DMD: variants seen among roughly 807,000 people sequenced by gnomAD.
DMD encodes dystrophin, also known as mutant dystrophin.
In DMD, 63 loss-of-function variants were observed where a neutral mutation model predicts 330.1. The observed-to-expected ratio is 0.19, with a 90% CI of 0.16 to 0.24. The LOEUF (loss-of-function observed/expected upper bound fraction) is 0.24. Among genes scored for constraint, DMD ranks in the 10% least tolerant of loss-of-function variants. The pLI, the probability that DMD is intolerant of heterozygous loss-of-function variation, is 1.00. For synonymous variants in DMD, 1,223 were observed against 959.8 expected (o/e 1.27, Z -5.07); for missense variants, 3,344 against 2,684.1 (o/e 1.25, Z -5.43).
chrX:31,343,497 T>C (rs1300319103), intron 61 of DMD, among the ~76,000 whole-genome samples: 3 of 111,324 alleles, frequency 2.7e-5, no homozygotes, highest in Non-Finnish European at 5.7e-5. Flanking sequence ...AACAGTGAAT[T>C]CTTTTTTTTA....
rs140837867 is a variant in DMD at position 33,091,738 on chromosome X, G to C, written c.32-71538C>G. On this transcript the variant is annotated intron_variant, in intron 1 of 78. Coordinates refer to ENST00000357033, the MANE Select transcript of DMD (RefSeq NM_004006.3). ...GTCATGAAGGCTGCTTTACAGAATT[G>C]GAGGTAATTTGGTGTCTTTTATTTA... Among the ~76,000 whole-genome samples the C allele has an allele frequency of 9.1e-3, 1,018 of 111,462 alleles. 25 individuals are homozygous for C. Among genetic ancestry groups the C allele is most frequent in the Admixed American group, 0.06 (626 of 10,425 alleles).
chrX:32,121,661 A>ATATG lies in DMD; in HGVS notation c.6438+95251_6438+95254dup, dbSNP rs1557150855. On this transcript the variant is annotated intron_variant, in intron 44 of 78. Coordinates refer to ENST00000357033, the MANE Select transcript of DMD (RefSeq NM_004006.3). ...TATATATATATATATATATATATAT[A>ATATG]TATGTATTCGGTTTTATTCAGAATG... Among the ~76,000 whole-genome samples, 623 of 81,183 alleles carry ATATG rather than the reference A, an allele frequency of 7.7e-3. 10 individuals are homozygous for ATATG. Among genetic ancestry groups the ATATG allele is most frequent in the Non-Finnish European group, 0.012 (478 of 41,470 alleles). 70.5% of individuals were successfully genotyped at this position (81,183 alleles called of 115,157 possible).
intron 6 of DMD, among the ~76,000 whole-genome samples, chrX:32,809,945 AAGAAAGAAAG>A (rs1311222465): frequency 1.1e-3 from 83 of 76,326 alleles, no homozygotes; most frequent in East Asian, 5.2e-3. Context: ...AAAAAAAAAA[AAGAAAGAAAG>A]AAAGAAAGAA....
intron 44 of DMD, among the ~76,000 whole-genome samples, chrX:31,977,660 G>T (rs2095445456): frequency 1.8e-5 from 2 of 109,762 alleles, no homozygotes; most frequent in Non-Finnish European, 3.8e-5. Context: ...CTGAGGTTAG[G>T]TTTCTTGTTT....
chrX:31,685,399 A>C (rs2082623400), intron 52 of DMD, among the ~76,000 whole-genome samples: 2 of 111,959 alleles, frequency 1.8e-5, no homozygotes, highest in African/African-American at 6.5e-5. Flanking sequence ...TAGATCTTTG[A>C]TAACGGAACA....
chrX:31,771,155 C>T (rs2090315952), intron 51 of DMD, among the ~76,000 whole-genome samples: 1 of 110,686 alleles, frequency 9.0e-6, no homozygotes, highest in Non-Finnish European at 1.9e-5. Context: ...AAAATCCTCC[C>T]CATACTTACT....
rs766226601 is a variant in DMD, at chrX:32,454,905, T to A, written c.3433-73A>T. On this transcript the variant is annotated intron_variant, in intron 25 of 78. Coordinates refer to ENST00000357033, the MANE Select transcript of DMD (RefSeq NM_004006.3). ...CATTATTATTATATTATTTCATCAG[T>A]ATGTAAATAACAGAAAGCTTAGATA... 4.5e-6 allele frequency: 5 copies of A among 1,111,370 alleles called. No individual in the cohort carries two copies. In the East Asian group the frequency reaches 1.2e-4, roughly 27 times the overall value. The allele number at this position is 1,111,370 out of a possible 1,213,427, so 91.6% of individuals were successfully genotyped here. A position where few individuals can be genotyped will look rare whatever the true frequency, so the allele number is the denominator to read the frequency against.
chrX:32,344,017 G>A (rs2097756204), intron 39 of DMD, among the ~76,000 whole-genome samples: 1 of 111,694 alleles, frequency 9.0e-6, no homozygotes. Context: ...AAAGAAAACA[G>A]CAAGTGCATG....
intron 22 of DMD, among the ~76,000 whole-genome samples, chrX:32,470,707 A>C (rs185421161): frequency 2.7e-3 from 298 of 111,712 alleles, no homozygotes; most frequent in African/African-American, 9.2e-3. Context: ...GGAAACAAAA[A>C]AGGTGAAACA....
intron 2 of DMD, among the ~76,000 whole-genome samples, chrX:32,978,165 G>A (rs1399225547): frequency 8.9e-6 from 1 of 111,861 alleles, no homozygotes; most frequent in African/African-American, 3.3e-5. Context: ...AGGGCAGGAA[G>A]AGTTTACTAC....
intron 44 of DMD, among the ~76,000 whole-genome samples, chrX:32,177,569 GATACTA>G (rs1371400809): frequency 3.6e-5 from 4 of 111,030 alleles, no homozygotes; most frequent in Non-Finnish European, 7.5e-5. Flanking sequence ...TGGTGACCCA[GATACTA>G]ATTCAAATTT....
intron 1 of DMD, among the ~76,000 whole-genome samples, chrX:33,104,492 GCTCCC>G (rs1488054752): frequency 1.8e-5 from 2 of 110,104 alleles, no homozygotes; most frequent in Non-Finnish European, 3.8e-5. Context: ...TGGCTCAAAA[GCTCCC>G]CCACTGAGTA....
At chrX:31,695,289 A>T (rs1351646733) in intron 52 of DMD, among the ~76,000 whole-genome samples, 1 of 111,024 alleles carries the variant, frequency 9.0e-6, no homozygotes, top group Non-Finnish European at 1.9e-5. Flanking sequence ...GTGTGGAGGT[A>T]GGGGATAGGT....
chrX:33,195,732 T>TTGTGTGTGTGTGTGTGTG (rs71969580), intron 1 of DMD, among the ~76,000 whole-genome samples: 4 of 97,701 alleles, frequency 4.1e-5, no homozygotes, highest in Non-Finnish European at 8.3e-5. Context: ...CTGTTCTATT[T>TTGTGTGTGTGTGTGTGTG]TGTGTGTGTG....
intron 44 of DMD, among the ~76,000 whole-genome samples, chrX:31,973,339 A>C (rs1364146521): frequency 9.0e-6 from 1 of 111,152 alleles, no homozygotes; most frequent in Non-Finnish European, 1.9e-5. Flanking sequence ...GCAACTAGGA[A>C]GGATAAGAAA....
intron 67 of DMD, among the ~76,000 whole-genome samples, chrX:31,190,441 A>G (rs182692548): frequency 2.5e-4 from 27 of 109,120 alleles, no homozygotes; most frequent in Admixed American, 7.9e-4. Flanking sequence ...GCGATTTTAG[A>G]AAGTCCTTGA....
intron 52 of DMD, 140 bp downstream of exon 52, chrX:31,729,491 A>G: frequency 1.8e-6 from 1 of 564,422 alleles, no homozygotes; most frequent in South Asian, 2.5e-5. Flanking sequence ...TTATGGACTG[A>G]AAATCTCAGC....
intron 7 of DMD, among the ~76,000 whole-genome samples, chrX:32,721,807 T>C (rs779340179): frequency 9.1e-6 from 1 of 110,433 alleles, no homozygotes; most frequent in African/African-American, 3.3e-5. Flanking sequence ...CTTCTAGGAG[T>C]CTTATGATTT....
intron 50 of DMD, among the ~76,000 whole-genome samples, chrX:31,799,233 T>C (rs763041147): frequency 8.9e-6 from 1 of 112,311 alleles, no homozygotes; most frequent in Non-Finnish European, 1.9e-5. Flanking sequence ...GTTGTATTAG[T>C]CTGTTCTCAT....
Sources: gnomAD v4.1 joint callset for allele counts (sites outside exome capture counted in the v4.1 genomes callset) on GRCh38, gnomAD v4.1.1 for gene constraint, MANE v1.5 for transcripts, NCBI Gene and HGNC (gene_info 2026-07-23, HGNC 2026-07-21) for gene names.